ATG4C: variants seen among roughly 807,000 people sequenced by gnomAD.
ATG4C encodes autophagy related 4C cysteine peptidase.
Under a neutral mutation model 57.6 loss-of-function variants are expected in ATG4C, and 56 were observed. The observed-to-expected ratio is 0.97, with a 90% confidence interval of 0.78 to 1.21. ATG4C has a LOEUF of 1.21. ATG4C is among the 50% of genes most tolerant of loss of function. The pLI is 0.00. For missense variants in ATG4C, 595 were observed against 529.8 expected (o/e 1.12, Z -1.21); for synonymous variants, 157 against 174.1 (o/e 0.90, Z 0.78).
rs565434713 is a variant in ATG4C, at chr1:62,853,197, T to C, written c.1210-10795T>C. 2.0e-5 allele frequency among the ~76,000 whole-genome samples: 3 copies of C among 152,358 alleles called. No individual in the cohort carries two copies. The South Asian group carries it at 6.2e-4, about 32-fold the overall frequency. On this transcript the variant is annotated intron_variant, in intron 10 of 10. Coordinates refer to ENST00000317868, the MANE Select transcript of ATG4C (RefSeq NM_032852.4). Reference sequence around the variant, plus strand: ...CATTTAGTGTTGTTGAGAAGTTTGATGTCATTCTGCATTATTTTACGCCAA... The same window carrying C: ...CATTTAGTGTTGTTGAGAAGTTTGACGTCATTCTGCATTATTTTACGCCAA...
chr1:62,793,234 T>C (rs1364040558), intron 1 of ATG4C, among the ~76,000 whole-genome samples: 2 of 151,868 alleles, frequency 1.3e-5, no homozygotes, highest in Admixed American at 1.3e-4. Flanking sequence ...TCACTACTCC[T>C]CTCCACCCAA....
intron 3 of ATG4C, among the ~76,000 whole-genome samples, chr1:62,809,591 T>C (rs1557966824): frequency 2.7e-5 from 4 of 146,960 alleles, no homozygotes; most frequent in Non-Finnish European, 1.5e-5. Flanking sequence ...AATATACTAA[T>C]GTAATTTATA....
intron 4 of ATG4C, among the ~76,000 whole-genome samples, chr1:62,817,549 G>A (rs1665321209): frequency 6.6e-6 from 1 of 152,082 alleles, no homozygotes; most frequent in African/African-American, 2.4e-5. Flanking sequence ...GTCTCACTAT[G>A]TTGCCCAGGC....
intron 1 of ATG4C, among the ~76,000 whole-genome samples, chr1:62,799,842 A>G (rs963388554): frequency 2.0e-5 from 3 of 151,552 alleles, no homozygotes; most frequent in Non-Finnish European, 2.9e-5. Context: ...CCGTTGTGCT[A>G]TCAAATACTG....
intron 10 of ATG4C, among the ~76,000 whole-genome samples, chr1:62,844,411 CATTA>C (rs992623663): frequency 1.3e-5 from 2 of 152,034 alleles, no homozygotes; most frequent in Admixed American, 6.6e-5. Context: ...GAAAAATATT[CATTA>C]ATCATGATAG....
chr1:62,852,684 C>T (rs142154651), intron 10 of ATG4C, among the ~76,000 whole-genome samples: 76 of 151,914 alleles, frequency 5.0e-4, no homozygotes, highest in African/African-American at 1.8e-3. Context: ...TTTTTCCTAT[C>T]CTTTGTATTT....
At chr1:62,847,031 GC>G (rs1048660541) in intron 10 of ATG4C, among the ~76,000 whole-genome samples, 1 of 152,122 alleles carries the variant, frequency 6.6e-6, no homozygotes, top group East Asian at 1.9e-4. Context: ...ACAAAAATTA[GC>G]CAGGCATGGT....
chr1:62,835,385 G>A, intron 9 of ATG4C: 1 of 353,674 alleles, frequency 2.8e-6, no homozygotes, highest in South Asian at 2.4e-5. Flanking sequence ...CCTTTATACA[G>A]GTCATTTTGT....
At chr1:62,841,387 A>G (rs1666160973) in intron 9 of ATG4C, 41 bp from the exon 10 acceptor site, 1 of 1,518,912 alleles carries the variant, frequency 6.6e-7, no homozygotes, top group African/African-American at 1.4e-5. Flanking sequence ...ATACTTGTCT[A>G]TCAAAGATAA....
chr1:62,849,268 G>C (rs1008564419), intron 10 of ATG4C, among the ~76,000 whole-genome samples: 1 of 152,064 alleles, frequency 6.6e-6, no homozygotes, highest in Admixed American at 6.6e-5. Context: ...CTTTAAAAAT[G>C]AATTGTTTGG....
At chr1:62,818,163 G>C (rs1572126545) in intron 4 of ATG4C, among the ~76,000 whole-genome samples, 1 of 151,994 alleles carries the variant, frequency 6.6e-6, no homozygotes, top group Non-Finnish European at 1.5e-5. Flanking sequence ...GATTTTTCAA[G>C]GTCTTTGATC....
intron 9 of ATG4C, among the ~76,000 whole-genome samples, chr1:62,836,050 T>A (rs139951861): frequency 2.9e-4 from 44 of 152,038 alleles, no homozygotes; most frequent in Admixed American, 2.6e-3. Flanking sequence ...ATTAAAAGAT[T>A]ATTGGTCTGA....
chr1:62,851,188 A>G (rs947292432), intron 10 of ATG4C, among the ~76,000 whole-genome samples: 2 of 152,038 alleles, frequency 1.3e-5, no homozygotes, highest in Non-Finnish European at 2.9e-5. Flanking sequence ...TTTTCCTTAA[A>G]TTGCTGTGGA....
At chr1:62,840,325 G>C (rs954814987) in intron 9 of ATG4C, among the ~76,000 whole-genome samples, 2 of 152,092 alleles carry the variant, frequency 1.3e-5, no homozygotes, top group Non-Finnish European at 2.9e-5. Context: ...CCAGCTCCTA[G>C]ATTATTTCTT....
chr1:62,821,171 T>C lies in ATG4C; in HGVS notation c.758T>C (p.Leu253Ser). The C allele has an allele frequency of 6.2e-7, 1 of 1,602,260 alleles. No individual in the cohort carries two copies. Among genetic ancestry groups the C allele is most frequent in the Non-Finnish European group, 8.5e-7 (1 of 1,175,684 alleles). ...KAVEEARHPD[L>S]QGITIYVAQD... ...GTTGAAGAAGCAAGGCATCCTGATT[T>C]ACAAGGAATAACTATTTATGTTGCA... The change falls in exon 6 of 11, where the codon TTA (leucine) becomes TCA (serine). Residue 253 changes from leucine to serine, a missense_variant. Coordinates refer to ENST00000317868, the MANE Select transcript of ATG4C (RefSeq NM_032852.4).
rs574415619 is a variant in ATG4C at position 62,814,709 on chromosome 1, T to C, written c.161-1866T>C. 8.5e-5 allele frequency among the ~76,000 whole-genome samples: 13 copies of C among 152,328 alleles called. No individual in the cohort carries two copies. The South Asian group carries it at 2.5e-3, about 29-fold the overall frequency. ...CTTTACATTTAGAATATGTTTCTTATAGGAAGTACTAGCTGAGTCTTGCTT... is the reference window on the plus strand; with the variant it reads ...CTTTACATTTAGAATATGTTTCTTACAGGAAGTACTAGCTGAGTCTTGCTT... On this transcript the variant is annotated intron_variant, in intron 3 of 10. Transcript: ENST00000317868.
intron 9 of ATG4C, among the ~76,000 whole-genome samples, chr1:62,835,118 G>A (rs542720449): frequency 6.7e-6 from 1 of 150,210 alleles, no homozygotes; most frequent in South Asian, 2.1e-4. Context: ...AAATGATCAA[G>A]TCTCCAAGTA....
At chr1:62,815,710 G>T (rs1289401610) in intron 3 of ATG4C, among the ~76,000 whole-genome samples, 1 of 152,074 alleles carries the variant, frequency 6.6e-6, no homozygotes, top group Non-Finnish European at 1.5e-5. Flanking sequence ...TAGAAATGAG[G>T]ATCTCACTAT....
chr1:62,789,210 C>G (rs75285954), intron 1 of ATG4C, among the ~76,000 whole-genome samples: 5,189 of 152,208 alleles, frequency 0.034, 317 homozygotes, highest in African/African-American at 0.12. Context: ...TAAATAAGAG[C>G]TTTCTCTTTT....
Sources: gnomAD v4.1 joint callset for allele counts (sites outside exome capture counted in the v4.1 genomes callset) on GRCh38, gnomAD v4.1.1 for gene constraint, MANE v1.5 for transcripts, NCBI Gene and HGNC (gene_info 2026-07-23, HGNC 2026-07-21) for gene names.